Variants in PC observed in about 807,000 individuals in gnomAD.
PC encodes the protein pyruvate carboxylase, also known as pyruvate carboxylase, mitochondrial.
Under a neutral mutation model 107.8 loss-of-function variants are expected in PC, and 46 were observed. The ratio of observed to expected loss-of-function variants is 0.43; its 90% CI spans 0.34 to 0.55. The LOEUF (loss-of-function observed/expected upper bound fraction) is 0.55. Among genes scored for constraint, PC ranks in the 20% least tolerant of loss-of-function variants. The pLI is 0.04. For missense variants in PC, 1,241 were observed against 1,643.1 expected (o/e 0.76, Z 4.23); for synonymous variants, 662 against 684.7 (o/e 0.97, Z 0.52).
intron 3 of PC, among the ~76,000 whole-genome samples, chr11:66,939,482 A>T (rs1949071475): frequency 6.6e-6 from 1 of 152,196 alleles, no homozygotes; most frequent in Non-Finnish European, 1.5e-5. Flanking sequence ...AGGGGAACAC[A>T]GCCACAGGTG....
At chr11:66,927,333 C>T (rs1218668527) in intron 3 of PC, among the ~76,000 whole-genome samples, 1 of 150,318 alleles carries the variant, frequency 6.7e-6, no homozygotes, top group Admixed American at 6.8e-5. Context: ...AGTGTACTCC[C>T]GTACTCCTCT....
intron 3 of PC, among the ~76,000 whole-genome samples, chr11:66,908,069 G>A (rs1439903899): frequency 6.6e-6 from 1 of 152,200 alleles, no homozygotes; most frequent in Non-Finnish European, 1.5e-5. Context: ...GGTCAGGGGT[G>A]AGCTGGAAGA....
At chr11:66,886,517 G>A (rs1194793454) in intron 3 of PC, among the ~76,000 whole-genome samples, 4 of 152,108 alleles carry the variant, frequency 2.6e-5, no homozygotes, top group Non-Finnish European at 5.9e-5. Flanking sequence ...AGAAGTAGAA[G>A]GTCAGCTAGG....
chr11:66,870,809 G>C lies in PC; in HGVS notation c.717C>G (p.Ile239Met). The C allele has an allele frequency of 6.2e-7, 1 of 1,613,534 alleles. No individual in the cohort carries two copies. Among genetic ancestry groups the C allele is most frequent in the Non-Finnish European group, 8.5e-7 (1 of 1,179,988 alleles). Residue 239 changes from isoleucine (I) to methionine (M), a missense_variant, in exon 8 of 23, where the codon ATC becomes ATG. Coordinates refer to ENST00000393960, the MANE Select transcript of PC (RefSeq NM_001040716.2). The surrounding 1 kb of genome is among the most constrained non-coding windows in gnomAD (Gnocchi z 6.1). Reference protein sequence around the residue: ...GNGALFVEKFIEKPRHIEVQI... With the variant: ...GNGALFVEKFMEKPRHIEVQI... ...GCACCTCGATGTGCCGTGGCTTCTC[G>C]ATGAACTTCTCCACAAACAGCGCCC...
At chr11:66,849,188 A>G in intron 22 of PC, 41 bp from the exon 23 acceptor site, 2 of 1,613,662 alleles carry the variant, frequency 1.2e-6, no homozygotes, top group Non-Finnish European at 1.7e-6. Context: ...TCCTGGGCCC[A>G]GCCAAGCCCC....
intron 3 of PC, among the ~76,000 whole-genome samples, chr11:66,917,168 C>T (rs1302672886): frequency 6.6e-6 from 1 of 151,836 alleles, no homozygotes. Flanking sequence ...GCCTCACAGG[C>T]TCAAGGGATT....
chr11:66,868,360 A>G (rs1946585237), intron 10 of PC, among the ~76,000 whole-genome samples: 1 of 152,264 alleles, frequency 6.6e-6, no homozygotes, highest in African/African-American at 2.4e-5. Flanking sequence ...GGCCTGGGGA[A>G]ATGCCTTCAA....
In PC at chr11:66,849,049, G is replaced by A. The variant is rs761578681; in HGVS notation, c.3387C>T (p.Ala1129=). The change falls in exon 23 of 23, where the codon GCC becomes GCT. Residue 1129 remains alanine (A), a synonymous_variant. Coordinates refer to ENST00000393960, the MANE Select transcript of PC (RefSeq NM_001040716.2). ...KVIDIKVVAG[A]KVAKGQPLCV... is the part of the protein sequence containing the mutation. ...ACAGGGGCTGGCCCTTGGCCACCTTGGCCCCTGCCACCACTTTGATGTCTA... is the reference window on the plus strand; with the variant it reads ...ACAGGGGCTGGCCCTTGGCCACCTTAGCCCCTGCCACCACTTTGATGTCTA... 3 of 1,613,908 alleles carry A rather than the reference G, an allele frequency of 1.9e-6. No homozygotes were observed. Among genetic ancestry groups the A allele is most frequent in the East Asian group, 2.2e-5 (1 of 44,896 alleles).
At chr11:66,942,233 C>T (rs369990483) in intron 3 of PC, among the ~76,000 whole-genome samples, 1 of 150,402 alleles carries the variant, frequency 6.6e-6, no homozygotes, top group African/African-American at 2.5e-5. Context: ...CCCGTCTCTA[C>T]TAAATATACA....
At chr11:66,932,976 G>T (rs1199024539) in intron 3 of PC, among the ~76,000 whole-genome samples, 1 of 152,100 alleles carries the variant, frequency 6.6e-6, no homozygotes, top group Non-Finnish European at 1.5e-5. Flanking sequence ...AGAATCCTTC[G>T]TCTAAAATAC....
At chr11:66,918,454 T>A (rs1249356757) in intron 3 of PC, among the ~76,000 whole-genome samples, 3 of 151,608 alleles carry the variant, frequency 2.0e-5, no homozygotes, top group African/African-American at 7.3e-5. Flanking sequence ...AGTGGCGCAA[T>A]CTTGGCTCAC....
At chr11:66,902,810 T>C (rs1328037550) in intron 3 of PC, among the ~76,000 whole-genome samples, 2 of 152,222 alleles carry the variant, frequency 1.3e-5, no homozygotes, top group African/African-American at 4.8e-5. Flanking sequence ...ATCACAGTGG[T>C]GCTGCCCAGC....
chr11:66,939,106 T>C (rs529378430), intron 3 of PC, among the ~76,000 whole-genome samples: 1 of 152,324 alleles, frequency 6.6e-6, no homozygotes, highest in Non-Finnish European at 1.5e-5. Context: ...TGGTCAGCCC[T>C]CTGTATCTGT....
intron 3 of PC, among the ~76,000 whole-genome samples, chr11:66,910,464 T>C (rs1948304594): frequency 6.6e-6 from 1 of 152,156 alleles, no homozygotes; most frequent in African/African-American, 2.4e-5. Context: ...GACAAGCAAG[T>C]AGAGTTTCTT....
chr11:66,888,604 G>C (rs1295706375), intron 3 of PC, among the ~76,000 whole-genome samples: 1 of 152,200 alleles, frequency 6.6e-6, no homozygotes, highest in Non-Finnish European at 1.5e-5. Context: ...TCCTGGGGAT[G>C]TGGCCTTAAA....
At chr11:66,875,493 C>A (rs1946940287) in intron 3 of PC, among the ~76,000 whole-genome samples, 1 of 152,032 alleles carries the variant, frequency 6.6e-6, no homozygotes, top group Admixed American at 6.5e-5. Context: ...GAGAGAACAG[C>A]CTGGGAGAAG....
chr11:66,907,564 T>G (rs536256092), intron 3 of PC, among the ~76,000 whole-genome samples: 1 of 152,162 alleles, frequency 6.6e-6, no homozygotes, highest in Non-Finnish European at 1.5e-5. Context: ...TCAGGTCAAG[T>G]AGGGTTTGCC....
intron 13 of PC, 68 bp downstream of exon 13, chr11:66,853,171 G>C: frequency 6.4e-7 from 1 of 1,572,430 alleles, no homozygotes; most frequent in South Asian, 1.1e-5. Context: ...GAGTGGCAAG[G>C]AGGTAGGAGC....
In PC at chr11:66,850,362, G is replaced by C. The variant is rs1356000803; in HGVS notation, c.2576C>G (p.Ser859Trp). 6.2e-7 allele frequency: 1 copy of C among 1,613,964 alleles called. No individual in the cohort carries two copies. The highest frequency in any genetic ancestry group is 8.5e-7 in the Non-Finnish European group (1 of 1,180,030). Residue 859 changes from serine to tryptophan, a missense_variant, in exon 19 of 23, where the codon TCG (serine) becomes TGG (tryptophan). By Grantham distance (177) the Ser-to-Trp change is radical (BLOSUM62 -3). Coordinates refer to ENST00000393960, the MANE Select transcript of PC (RefSeq NM_001040716.2). ...TGGGATCTCATTTTCATACACGTCC[G>C]AGTTGCCAGACTTCATGGTGGCCGT... ...DCTATMKSGN[S>W]DVYENEIPGG...
Sources: gnomAD v4.1 joint callset for allele counts (sites outside exome capture counted in the v4.1 genomes callset) on GRCh38, gnomAD v4.1.1 for gene constraint, Gnocchi (gnomAD v3.1) non-coding constraint, MANE v1.5 for transcripts, NCBI Gene and HGNC (gene_info 2026-07-23, HGNC 2026-07-21) for gene names.